MYOCD: variants seen among roughly 807,000 people sequenced by gnomAD.
MYOCD encodes myocardin.
In MYOCD, 32 loss-of-function variants were observed where a neutral mutation model predicts 96.1. The ratio of observed to expected loss-of-function variants is 0.33; its 90% CI spans 0.25 to 0.45. The LOEUF (loss-of-function observed/expected upper bound fraction) is 0.45. Among genes scored for constraint, MYOCD ranks in the 20% least tolerant of loss-of-function variants. The probability of loss-of-function intolerance (pLI) is 1.00; values close to 1 mark genes in which losing one functional copy is unlikely to be tolerated. For missense variants in MYOCD, 1,133 were observed against 1,200.6 expected, an observed-to-expected ratio of 0.94 and a Z score of 0.83; for synonymous variants, 469 against 469.0, an observed-to-expected ratio of 1.00 and a Z score of 0.00.
At position 12,679,585 on chromosome 17, in the gene MYOCD, A is replaced by T. The variant is rs576428375; in HGVS notation, c.55+13342A>T. Among the ~76,000 whole-genome samples the T allele has an allele frequency of 2.0e-5, 3 of 152,332 alleles. No homozygotes were observed. In the South Asian group the frequency reaches 6.2e-4, roughly 32 times the overall value. On this transcript the variant is annotated intron_variant, in intron 1 of 13. Transcript: ENST00000425538. ...ATGTATATGCATATGTTTGTATATG[A>T]TATATAACATATATATAGTATGAGA...
intron 9 of MYOCD, among the ~76,000 whole-genome samples, chr17:12,747,257 A>T (rs1171195802): frequency 2.6e-5 from 4 of 152,160 alleles, no homozygotes; most frequent in African/African-American, 9.7e-5. Context: ...ATTGTATGAG[A>T]CGTGAGTGGA....
chr17:12,700,604 C>T lies in MYOCD; in HGVS notation c.56-4524C>T, dbSNP rs1037445414. Among the ~76,000 whole-genome samples the T allele has an allele frequency of 4.7e-5, 7 of 150,494 alleles. No individual in the cohort carries two copies. In the East Asian group the frequency reaches 7.8e-4, roughly 17 times the overall value. ...AATTTTTTTGTATTTTTAGTAGAGA[C>T]GGGGTTTCACCATTTTGGCCAGAAT... On this transcript the variant is annotated intron_variant, in intron 1 of 13. Coordinates refer to ENST00000425538, the MANE Select transcript of MYOCD (RefSeq NM_001146312.3).
At chr17:12,755,006 C>T (rs924933977) in intron 10 of MYOCD, among the ~76,000 whole-genome samples, 6 of 152,150 alleles carry the variant, frequency 3.9e-5, no homozygotes, top group African/African-American at 1.2e-4. Context: ...ATCTCCACCC[C>T]AAGAATGTGA....
intron 1 of MYOCD, among the ~76,000 whole-genome samples, chr17:12,689,745 C>T (rs773893854): frequency 3.9e-5 from 6 of 152,114 alleles, no homozygotes; most frequent in Admixed American, 6.5e-5. Context: ...GCAGGAGAAT[C>T]GCTTGAACCT....
chr17:12,728,420 C>T (rs1376601262), intron 5 of MYOCD, among the ~76,000 whole-genome samples: 1 of 152,130 alleles, frequency 6.6e-6, no homozygotes, highest in Non-Finnish European at 1.5e-5. Flanking sequence ...AGCATCTTCT[C>T]CTAAAGTGTT....
intron 9 of MYOCD, among the ~76,000 whole-genome samples, chr17:12,749,650 C>T (rs2032776830): frequency 7.0e-6 from 1 of 142,676 alleles, no homozygotes; most frequent in Non-Finnish European, 1.5e-5. Flanking sequence ...TATATATACA[C>T]ACGTATATAT....
chr17:12,684,963 C>G (rs912769668), intron 1 of MYOCD, among the ~76,000 whole-genome samples: 3 of 151,860 alleles, frequency 2.0e-5, no homozygotes, highest in Non-Finnish European at 4.4e-5. Context: ...GAAGCCAGCC[C>G]TGGGTAGGAA....
chr17:12,766,812 A>G lies in MYOCD; in HGVS notation c.*3168A>G, dbSNP rs1368451417. Reference sequence around the variant, plus strand: ...GAAGACATTTGCAGCTATCTGCTGCAGTCTGGTAGATTCATACTTATCTAA... The same window carrying G: ...GAAGACATTTGCAGCTATCTGCTGCGGTCTGGTAGATTCATACTTATCTAA... On this transcript the variant is annotated 3_prime_UTR_variant, in exon 14 of 14. Coordinates refer to ENST00000425538, the MANE Select transcript of MYOCD (RefSeq NM_001146312.3). The G allele has an allele frequency of 3.3e-5, 5 of 152,148 alleles. No individual in the cohort carries two copies. The highest frequency in any genetic ancestry group is 6.5e-5 in the Admixed American group (1 of 15,272). The allele number at this position is 152,148 out of a possible 1,614,324, so 9.4% of individuals were successfully genotyped here. A position where few individuals can be genotyped will look rare whatever the true frequency, so the allele number is the denominator to read the frequency against.
At chr17:12,694,230 G>GGGAAC (rs1469542067) in intron 1 of MYOCD, among the ~76,000 whole-genome samples, 1 of 152,170 alleles carries the variant, frequency 6.6e-6, no homozygotes, top group Non-Finnish European at 1.5e-5. Flanking sequence ...GGGAAGGGAA[G>GGGAAC]GGAAGCTCTG....
intron 10 of MYOCD, among the ~76,000 whole-genome samples, chr17:12,756,196 A>G (rs1597813287): frequency 1.3e-5 from 2 of 152,324 alleles, no homozygotes; most frequent in Admixed American, 1.3e-4. Flanking sequence ...TTGAAAGCGG[A>G]AATCCTATGA....
intron 5 of MYOCD, among the ~76,000 whole-genome samples, chr17:12,730,395 C>T (rs983638514): frequency 2.6e-5 from 4 of 151,384 alleles, no homozygotes; most frequent in Non-Finnish European, 4.4e-5. Context: ...TTGCAGTGAG[C>T]CAAGATCGCG....
chr17:12,750,126 G>C (rs889608072), intron 9 of MYOCD, among the ~76,000 whole-genome samples: 1 of 151,968 alleles, frequency 6.6e-6, no homozygotes, highest in Non-Finnish European at 1.5e-5. Context: ...AGTGAGCCAC[G>C]GCGCCCGGCT....
At chr17:12,670,304 C>G (rs1057455196) in intron 1 of MYOCD, among the ~76,000 whole-genome samples, 1 of 152,170 alleles carries the variant, frequency 6.6e-6, no homozygotes, top group Non-Finnish European at 1.5e-5. Context: ...GTTGCTTGTC[C>G]TTTCAGAGAG....
At chr17:12,727,858 A>G (rs971846409) in intron 5 of MYOCD, among the ~76,000 whole-genome samples, 2 of 152,110 alleles carry the variant, frequency 1.3e-5, no homozygotes, top group African/African-American at 2.4e-5. Context: ...TCTCCTCTTG[A>G]GTACCAGTTT....
In MYOCD at chr17:12,763,257, A is replaced by G. The variant is rs771676207; in HGVS notation, c.2574A>G (p.Leu858=). ...ATDSDEHLEV[L]LNSQSPLGKM... The stretch of plus-strand genomic sequence containing the variant: ...ACAGTGATGAGCATCTTGAAGTCTT[A>G]TTAAATTCCCAGAGCCCCCTAGGAA... The change falls in exon 14 of 14, where the codon TTA becomes TTG. Residue 858 remains leucine, a synonymous_variant. Coordinates refer to ENST00000425538, the MANE Select transcript of MYOCD (RefSeq NM_001146312.3). 6.2e-7 allele frequency: 1 copy of G among 1,613,854 alleles called. No homozygotes were observed. The highest frequency in any genetic ancestry group is 8.5e-7 in the Non-Finnish European group (1 of 1,179,880).
intron 4 of MYOCD, among the ~76,000 whole-genome samples, chr17:12,721,272 C>A (rs1431951240): frequency 6.6e-6 from 1 of 152,092 alleles, no homozygotes; most frequent in Non-Finnish European, 1.5e-5. Flanking sequence ...ATGGGGTCCT[C>A]TTTTGTCAAC....
intron 5 of MYOCD, among the ~76,000 whole-genome samples, 172 bp downstream of exon 5, chr17:12,723,180 G>A (rs1215939220): frequency 1.3e-5 from 2 of 152,132 alleles, no homozygotes; most frequent in African/African-American, 4.8e-5. Flanking sequence ...GGCATTTGTT[G>A]CAATCCCCAT....
At chr17:12,736,577 A>G (rs1483621663) in intron 6 of MYOCD, among the ~76,000 whole-genome samples, 4 of 152,190 alleles carry the variant, frequency 2.6e-5, no homozygotes, top group Non-Finnish European at 5.9e-5. Flanking sequence ...TAACTTATCC[A>G]TTAAGCATCT....
At chr17:12,709,763 C>T (rs902343381) in intron 2 of MYOCD, among the ~76,000 whole-genome samples, 9 of 152,166 alleles carry the variant, frequency 5.9e-5, no homozygotes, top group Non-Finnish European at 1.3e-4. Flanking sequence ...AGGTTCTCTA[C>T]ATTCTCGTGG....
Sources: allele counts gnomAD v4.1 joint callset (sites outside exome capture counted in the v4.1 genomes callset), GRCh38; gene constraint gnomAD v4.1.1; transcripts MANE v1.5; gene names NCBI Gene and HGNC (gene_info 2026-07-23, HGNC 2026-07-21).